KCNN2: variants seen among roughly 807,000 people sequenced by gnomAD.
KCNN2 encodes potassium calcium-activated channel subfamily N member 2.
A neutral mutation model predicts 55.5 loss-of-function variants in KCNN2; 24 were observed. The ratio of observed to expected loss-of-function variants is 0.43; its 90% CI spans 0.31 to 0.61. The LOEUF is 0.61. Among genes scored for constraint, KCNN2 ranks in the 20% least tolerant of loss-of-function variants. The pLI is 0.08. For missense variants in KCNN2, 754 were observed against 853.6 expected (o/e 0.88, Z 1.45); for synonymous variants, 431 against 336.1 (o/e 1.28, Z -3.09).
rs578253599 is a variant in KCNN2 at position 114,490,295 on chromosome 5, A to AC, written c.2019-3101dup. On this transcript the variant is annotated intron_variant, in intron 6 of 7. Transcript: ENST00000673685. ...AGTTGTCCTAATTTGGAAAAGATGT[A>AC]CCCCCCCAAAAAAATTACAATGCCT... Among the ~76,000 whole-genome samples the AC allele has an allele frequency of 8.0e-4, 121 of 152,024 alleles. 1 individual carries two copies. The highest frequency in any genetic ancestry group is 3.1e-3 in the East Asian group (16 of 5,162).
At chr5:114,238,505 A>T (rs1336918974) in intron 2 of KCNN2, among the ~76,000 whole-genome samples, 1 of 151,970 alleles carries the variant, frequency 6.6e-6, no homozygotes, top group Non-Finnish European at 1.5e-5. Flanking sequence ...AGGCACTTGT[A>T]GTCCCAGCTA....
intron 2 of KCNN2, among the ~76,000 whole-genome samples, chr5:114,325,481 A>G (rs1274080566): frequency 6.6e-6 from 1 of 152,228 alleles, no homozygotes; most frequent in African/African-American, 2.4e-5. Flanking sequence ...TATTCAGACT[A>G]AGAGTATTCA....
At chr5:114,346,433 T>A (rs1053358534) in intron 2 of KCNN2, among the ~76,000 whole-genome samples, 2 of 152,192 alleles carry the variant, frequency 1.3e-5, no homozygotes, top group Non-Finnish European at 2.9e-5. Flanking sequence ...GTCTGGGAAT[T>A]ACTAGCTATT....
intron 3 of KCNN2, among the ~76,000 whole-genome samples, chr5:114,406,289 T>G (rs1758931198): frequency 6.6e-6 from 1 of 151,358 alleles, no homozygotes; most frequent in African/African-American, 2.4e-5. Flanking sequence ...AGATTTTTTG[T>G]TGTTGTTTTG....
chr5:114,439,912 A>G (rs1760146185), intron 3 of KCNN2, among the ~76,000 whole-genome samples: 1 of 152,168 alleles, frequency 6.6e-6, no homozygotes, highest in African/African-American at 2.4e-5. Flanking sequence ...AAATTATACT[A>G]TGACAAGTTC....
chr5:114,232,997 T>G (rs898216085), intron 2 of KCNN2, among the ~76,000 whole-genome samples: 1 of 117,500 alleles, frequency 8.5e-6, no homozygotes, highest in African/African-American at 3.2e-5. Context: ...CTCGGCTCAC[T>G]GCAAGCTCCG....
intron 2 of KCNN2, among the ~76,000 whole-genome samples, chr5:114,271,580 T>G (rs974201736): frequency 1.3e-5 from 2 of 152,218 alleles, no homozygotes. Context: ...AAGTTTAACC[T>G]GTAATAGGAT....
intron 1 of KCNN2, among the ~76,000 whole-genome samples, chr5:114,089,699 G>A (rs2632120): frequency 0.027 from 4,033 of 152,152 alleles, 183 homozygotes; most frequent in African/African-American, 0.091. Context: ...CCATAGAATG[G>A]GGTCTGAAAA....
intron 2 of KCNN2, among the ~76,000 whole-genome samples, chr5:114,309,988 A>C (rs765149286): frequency 3.3e-5 from 5 of 152,208 alleles, no homozygotes; most frequent in Non-Finnish European, 7.3e-5. Context: ...ATTTCACAAA[A>C]GACTTTCCTT....
intron 1 of KCNN2, among the ~76,000 whole-genome samples, chr5:114,115,553 A>G (rs1467169727): frequency 1.3e-5 from 2 of 152,110 alleles, no homozygotes; most frequent in Admixed American, 6.6e-5. Context: ...ATGATAGGGA[A>G]ATGTCAGATT....
At chr5:114,193,883 T>C (rs1753498530) in intron 1 of KCNN2, among the ~76,000 whole-genome samples, 1 of 152,290 alleles carries the variant, frequency 6.6e-6, no homozygotes, top group African/African-American at 2.4e-5. Flanking sequence ...TCTATTGAGA[T>C]ATAATTCACA....
chr5:114,465,777 AGGATCAGACTTAT>A lies in KCNN2; in HGVS notation c.1779+2588_1779+2600del, dbSNP rs574965020. Among the ~76,000 whole-genome samples the A allele has an allele frequency of 3.3e-5, 5 of 152,336 alleles. No individual in the cohort carries two copies. The East Asian group carries it at 9.6e-4, about 29-fold the overall frequency. The stretch of plus-strand genomic sequence containing the variant: ...GGAGCTCCATTCCCTCTCCTTCATA[AGGATCAGACTTAT>A]TTCCTAATTAATTGACTTGATCAAA... On this transcript the variant is annotated intron_variant, in intron 4 of 7. Coordinates refer to ENST00000673685, the MANE Select transcript of KCNN2 (RefSeq NM_021614.4).
chr5:114,275,197 G>T (rs915209926), intron 2 of KCNN2, among the ~76,000 whole-genome samples: 1 of 152,168 alleles, frequency 6.6e-6, no homozygotes, highest in East Asian at 1.9e-4. Context: ...CTTGATCGTG[G>T]TGGATAAGCT....
At chr5:114,418,350 G>T (rs1484910188) in intron 3 of KCNN2, among the ~76,000 whole-genome samples, 1 of 152,184 alleles carries the variant, frequency 6.6e-6, no homozygotes, top group African/African-American at 2.4e-5. Flanking sequence ...TTCCTTATGT[G>T]CTGGACTGAC....
chr5:114,101,712 G>T (rs1751377059), intron 1 of KCNN2, among the ~76,000 whole-genome samples: 1 of 151,818 alleles, frequency 6.6e-6, no homozygotes, highest in South Asian at 2.1e-4. Context: ...GTGTTAGTTT[G>T]CTGAGAATGA....
At chr5:114,341,723 T>C (rs1757018894) in intron 2 of KCNN2, among the ~76,000 whole-genome samples, 1 of 152,140 alleles carries the variant, frequency 6.6e-6, no homozygotes, top group Non-Finnish European at 1.5e-5. Flanking sequence ...GTCAAAAACA[T>C]TTTACCCATA....
intron 1 of KCNN2, among the ~76,000 whole-genome samples, chr5:114,153,114 C>T (rs1329486278): frequency 6.6e-6 from 1 of 152,150 alleles, no homozygotes; most frequent in African/African-American, 2.4e-5. Flanking sequence ...TTCCGTGAAA[C>T]TGAAAACGTT....
In KCNN2 at chr5:114,404,705, T is replaced by C; in HGVS notation, c.1486T>C (p.Ser496Pro). ...LLHSKLFTDA[S>P]SRSIGALNKI... ...ACATAGCAAACTTTTCACTGATGCC[T>C]CCTCTAGAAGCATTGGAGCACTTAA... Residue 496 changes from serine to proline, a missense_variant, in exon 3 of 8, where the codon TCC (serine) becomes CCC (proline). Physicochemically the swap from Ser to Pro is moderately conservative, Grantham distance 74. This residue lies in a region of KCNN2 where 86 missense variants were observed against 233.0 expected (regional missense o/e 0.37). Transcript: ENST00000673685. 6.2e-7 allele frequency: 1 copy of C among 1,614,120 alleles called. No individual in the cohort carries two copies. The highest frequency in any genetic ancestry group is 8.5e-7 in the Non-Finnish European group (1 of 1,180,020).
At chr5:114,332,991 G>T (rs1474903273) in intron 2 of KCNN2, among the ~76,000 whole-genome samples, 1 of 151,984 alleles carries the variant, frequency 6.6e-6, no homozygotes, top group East Asian at 1.9e-4. Context: ...ACAATACCTG[G>T]TCTCGCCTCA....
Sources: allele counts gnomAD v4.1 joint callset (sites outside exome capture counted in the v4.1 genomes callset), GRCh38; gene constraint gnomAD v4.1.1; regional missense constraint gnomAD v4.1.1; transcripts MANE v1.5; gene names NCBI Gene and HGNC (gene_info 2026-07-23, HGNC 2026-07-21).